AGBL4: variants seen among roughly 807,000 people sequenced by gnomAD.
The protein encoded by AGBL4 is cytosolic carboxypeptidase 6.
AGBL4 carries 58 observed loss-of-function variants against 66.4 expected under a neutral mutation model. The observed-to-expected ratio is 0.87, with a 90% CI of 0.71 to 1.09. The LOEUF (loss-of-function observed/expected upper bound fraction) is 1.09. AGBL4 is among the 50% of genes least tolerant of loss of function. The pLI, the probability that AGBL4 is intolerant of heterozygous loss-of-function variation, is 0.00. For synonymous variants in AGBL4, 234 were observed against 222.9 expected, an observed-to-expected ratio of 1.05 and a Z score of -0.44; for missense variants, 579 against 631.0, an observed-to-expected ratio of 0.92 and a Z score of 0.88.
intron 1 of AGBL4, among the ~76,000 whole-genome samples, chr1:49,987,148 T>C (rs1437485429): frequency 6.6e-6 from 1 of 152,100 alleles, no homozygotes; most frequent in African/African-American, 2.4e-5. Context: ...CCAACTATAT[T>C]TAATGCTTTG....
At chr1:48,543,434 C>T (rs1333969908) in intron 11 of AGBL4, among the ~76,000 whole-genome samples, 1 of 152,058 alleles carries the variant, frequency 6.6e-6, no homozygotes, top group Non-Finnish European at 1.5e-5. Context: ...ATCCATCTAC[C>T]CGTCCATCCA....
chr1:48,932,294 G>C (rs998751406), intron 5 of AGBL4, among the ~76,000 whole-genome samples: 5 of 152,116 alleles, frequency 3.3e-5, no homozygotes, highest in Admixed American at 6.6e-5. Flanking sequence ...TGTGTTCTTG[G>C]AGCTTTTCCT....
chr1:49,985,940 G>A (rs1022723629), intron 1 of AGBL4, among the ~76,000 whole-genome samples: 1 of 151,828 alleles, frequency 6.6e-6, no homozygotes, highest in Non-Finnish European at 1.5e-5. Context: ...AGAAAAAAAG[G>A]GAAAATAAAA....
At chr1:49,972,458 A>G (rs1169363607) in intron 1 of AGBL4, among the ~76,000 whole-genome samples, 1 of 152,166 alleles carries the variant, frequency 6.6e-6, no homozygotes, top group Non-Finnish European at 1.5e-5. Flanking sequence ...TTCACTGAGG[A>G]TAATGGCCTA....
chr1:49,520,374 C>A (rs1650160338), intron 3 of AGBL4, among the ~76,000 whole-genome samples: 2 of 152,032 alleles, frequency 1.3e-5, no homozygotes, highest in South Asian at 2.1e-4. Context: ...ACAAAAATGA[C>A]AACTACCCAA....
chr1:49,165,865 C>T (rs1646625023), intron 4 of AGBL4, among the ~76,000 whole-genome samples: 1 of 151,940 alleles, frequency 6.6e-6, no homozygotes, highest in Non-Finnish European at 1.5e-5. Context: ...CCTCTCAACT[C>T]AATACTATTA....
chr1:49,055,633 CTA>C (rs758801318), intron 4 of AGBL4, among the ~76,000 whole-genome samples: 2 of 151,954 alleles, frequency 1.3e-5, no homozygotes, highest in East Asian at 1.9e-4. Context: ...CATAAAAATA[CTA>C]ATGACATAGT....
chr1:49,936,296 A>T (rs1654007484), intron 1 of AGBL4, among the ~76,000 whole-genome samples: 1 of 152,152 alleles, frequency 6.6e-6, no homozygotes, highest in Non-Finnish European at 1.5e-5. Flanking sequence ...AAAAAAGAAT[A>T]AAAAGAAACG....
rs542009104 is a variant in AGBL4, at chr1:49,640,591, G to GA, written c.282+56721dup. 7.9e-5 allele frequency among the ~76,000 whole-genome samples: 12 copies of GA among 152,222 alleles called. No individual in the cohort carries two copies. The South Asian group carries it at 2.3e-3, about 29-fold the overall frequency. On this transcript the variant is annotated intron_variant, in intron 3 of 13. Transcript: ENST00000371839. ...TAAAACAATTGAAATTCTAAAGATG[G>GA]AAAAGCCGTCTGCGCTAGCAAAGGA...
At chr1:49,187,763 C>G (rs1053123630) in intron 4 of AGBL4, among the ~76,000 whole-genome samples, 3 of 152,118 alleles carry the variant, frequency 2.0e-5, no homozygotes, top group African/African-American at 7.2e-5. Flanking sequence ...ATACATTGTG[C>G]TCTTGCAAAT....
chr1:48,685,492 G>T (rs1233521022), intron 6 of AGBL4, among the ~76,000 whole-genome samples: 1 of 152,142 alleles, frequency 6.6e-6, no homozygotes, highest in East Asian at 1.9e-4. Flanking sequence ...AGAACAAGAT[G>T]CCTTGGGCTC....
At chr1:48,743,428 C>T (rs1400243417) in intron 6 of AGBL4, among the ~76,000 whole-genome samples, 1 of 152,160 alleles carries the variant, frequency 6.6e-6, no homozygotes, top group Non-Finnish European at 1.5e-5. Flanking sequence ...GTTATTTTTT[C>T]TCCATTAGCT....
chr1:48,834,116 T>G (rs1420458690), intron 6 of AGBL4, among the ~76,000 whole-genome samples: 1 of 152,214 alleles, frequency 6.6e-6, no homozygotes, highest in African/African-American at 2.4e-5. Context: ...TCTCCCTTTT[T>G]GGAATAGGAA....
chr1:48,648,726 T>C (rs1645879055), intron 8 of AGBL4, among the ~76,000 whole-genome samples: 1 of 152,222 alleles, frequency 6.6e-6, no homozygotes, highest in South Asian at 2.1e-4. Flanking sequence ...CACTGTTGTA[T>C]GACCAAATGT....
At chr1:49,881,479 T>C (rs957431035) in intron 1 of AGBL4, among the ~76,000 whole-genome samples, 5 of 151,580 alleles carry the variant, frequency 3.3e-5, no homozygotes, top group East Asian at 1.9e-4. Flanking sequence ...TCCACAATGG[T>C]TGAACTAGTT....
chr1:48,992,057 C>T (rs955109553), intron 5 of AGBL4, among the ~76,000 whole-genome samples: 1 of 152,126 alleles, frequency 6.6e-6, no homozygotes, highest in Admixed American at 6.5e-5. Context: ...ATGTTCCTTG[C>T]TGTCTGGGCA....
At chr1:49,725,422 C>T (rs1343979423) in intron 2 of AGBL4, among the ~76,000 whole-genome samples, 1 of 152,134 alleles carries the variant, frequency 6.6e-6, no homozygotes, top group Non-Finnish European at 1.5e-5. Context: ...CCGTGGCTTA[C>T]AACAGTAAGT....
At chr1:48,710,220 C>T (rs1022854951) in intron 6 of AGBL4, among the ~76,000 whole-genome samples, 14 of 152,150 alleles carry the variant, frequency 9.2e-5, no homozygotes, top group Admixed American at 8.5e-4. Flanking sequence ...TCATTCACAT[C>T]AACAGGGAGG....
chr1:49,553,585 T>C (rs1165737686), intron 3 of AGBL4, among the ~76,000 whole-genome samples: 1 of 152,042 alleles, frequency 6.6e-6, no homozygotes, highest in African/African-American at 2.4e-5. Context: ...ATAGTTGGAG[T>C]AGATAAGTAC....
Sources: allele counts gnomAD v4.1 joint callset (sites outside exome capture counted in the v4.1 genomes callset), GRCh38; gene constraint gnomAD v4.1.1; transcripts MANE v1.5; gene names NCBI Gene and HGNC (gene_info 2026-07-23, HGNC 2026-07-21).